Variants in EFR3B observed in about 807,000 individuals in gnomAD.
The protein encoded by EFR3B is EFR3 homolog B.
A neutral mutation model predicts 104.7 loss-of-function variants in EFR3B; 64 were observed. The ratio of observed to expected loss-of-function variants is 0.61; its 90% CI spans 0.50 to 0.75. The LOEUF is 0.75. Ranked by LOEUF, EFR3B falls within the 30% of genes least tolerant of loss-of-function variation. The probability of loss-of-function intolerance (pLI) is 0.00; values close to 1 mark genes in which losing one functional copy is unlikely to be tolerated. For missense variants in EFR3B, 750 were observed against 1,078.5 expected (o/e 0.70, Z 4.27); for synonymous variants, 385 against 417.9 (o/e 0.92, Z 0.96).
At chr2:25,139,761 C>G (rs1670613281) in intron 16 of EFR3B, among the ~76,000 whole-genome samples, 1 of 152,174 alleles carries the variant, frequency 6.6e-6, no homozygotes, top group African/African-American at 2.4e-5. Context: ...ATACTTTAAA[C>G]AAATATTTTA....
chr2:25,130,657 G>A lies in EFR3B; in HGVS notation c.849+27G>A. On this transcript the variant is annotated intron_variant, in intron 8 of 22. Transcript: ENST00000403714. The surrounding 1 kb of genome is among the most constrained non-coding windows in gnomAD (Gnocchi z 4.6). ...TATGGTGGCTCCCCTGGGCCAGCCG[G>A]ATCCCAGGACAAAGGCCTCTCTAGA... 1 of 1,539,560 alleles carries A rather than the reference G, an allele frequency of 6.5e-7. No homozygotes were observed. Among genetic ancestry groups the A allele is most frequent in the Non-Finnish European group, 8.8e-7 (1 of 1,136,076 alleles).
intron 3 of EFR3B, among the ~76,000 whole-genome samples, chr2:25,100,576 T>C (rs1168542199): frequency 6.6e-6 from 1 of 152,208 alleles, no homozygotes. Context: ...CACTGCAAGC[T>C]CTGCCTCCTG....
chr2:25,080,071 AC>A, intron 1 of EFR3B: 1 of 885,868 alleles, frequency 1.1e-6, no homozygotes. Context: ...GTACCTTGTA[AC>A]CCCCACAACA....
intron 4 of EFR3B, among the ~76,000 whole-genome samples, chr2:25,110,930 T>A (rs1389490512): frequency 6.6e-6 from 1 of 152,252 alleles, no homozygotes; most frequent in East Asian, 1.9e-4. Flanking sequence ...CTGCCCCTCT[T>A]TTATTCATGA....
rs1668551211 is a variant in EFR3B at position 25,073,524 on chromosome 2, A to C, written c.8-17801A>C. 2.0e-5 allele frequency among the ~76,000 whole-genome samples: 3 copies of C among 151,750 alleles called. No individual in the cohort carries two copies. The East Asian group carries it at 5.8e-4, about 29-fold the overall frequency. On this transcript the variant is annotated intron_variant, in intron 1 of 22. Coordinates refer to ENST00000403714, the MANE Select transcript of EFR3B (RefSeq NM_014971.2). ...AGGTGTGTGCCACCATGCCTGGCTA[A>C]TTTTTGTATTTTTTGTAGAGAGGAG...
intron 18 of EFR3B, among the ~76,000 whole-genome samples, chr2:25,144,283 C>T (rs1670755320): frequency 6.6e-6 from 1 of 152,150 alleles, no homozygotes; most frequent in Admixed American, 6.5e-5. Flanking sequence ...AGGTTCACAC[C>T]TGTAATCCCA....
At chr2:25,083,636 C>T (rs951264772) in intron 1 of EFR3B, among the ~76,000 whole-genome samples, 2 of 152,152 alleles carry the variant, frequency 1.3e-5, no homozygotes, top group Admixed American at 6.6e-5. Flanking sequence ...AAAGCGCCTC[C>T]AGCTCTCAAC....
At chr2:25,072,221 A>G (rs1369126548) in intron 1 of EFR3B, among the ~76,000 whole-genome samples, 2 of 152,142 alleles carry the variant, frequency 1.3e-5, no homozygotes, top group Non-Finnish European at 1.5e-5. Flanking sequence ...TGCTTGGGCC[A>G]TCTGGCCCTT....
chr2:25,092,931 T>C, intron 2 of EFR3B, 72 bp from the exon 3 acceptor site: 2 of 1,503,510 alleles, frequency 1.3e-6, no homozygotes, highest in Non-Finnish European at 1.8e-6. Context: ...GTCGAATTAT[T>C]ATTTTTCTCT....
intron 1 of EFR3B, among the ~76,000 whole-genome samples, chr2:25,045,919 A>G (rs1667703699): frequency 2.6e-5 from 4 of 152,138 alleles, no homozygotes. Context: ...GCTAGGAGGG[A>G]CGTTTGGAAA....
chr2:25,131,430 C>G lies in EFR3B; in HGVS notation c.912C>G (p.Ser304Arg). The G allele has an allele frequency of 6.4e-7, 1 of 1,550,844 alleles. No individual in the cohort carries two copies. ...GCCACCTGGACGCCAACAGCCGCAG[C>G]GCTGCGACGGTGCGCGCGGGCATCG... ...LLGHLDANSR[S>R]AATVRAGIVE... Residue 304 changes from serine to arginine, a missense_variant, in exon 9 of 23, where the codon AGC becomes AGG. Ser to Arg is a moderately radical substitution (Grantham distance 110). Transcript: ENST00000403714. The surrounding 1 kb of genome is among the most constrained non-coding windows in gnomAD (Gnocchi z 7.6).
At chr2:25,149,577 C>T (rs1433928101) in intron 19 of EFR3B, 117 bp from the exon 20 acceptor site, 7 of 1,047,414 alleles carry the variant, frequency 6.7e-6, no homozygotes, top group Non-Finnish European at 7.2e-6. Flanking sequence ...GAGGGACTTC[C>T]TGCCCACTGG....
At chr2:25,098,482 C>A (rs1197883284) in intron 3 of EFR3B, among the ~76,000 whole-genome samples, 1 of 152,150 alleles carries the variant, frequency 6.6e-6, no homozygotes, top group Non-Finnish European at 1.5e-5. Flanking sequence ...CAGATCTCTG[C>A]TGGTAGTAAT....
chr2:25,109,732 G>C (rs1266291683), intron 4 of EFR3B, among the ~76,000 whole-genome samples: 1 of 152,230 alleles, frequency 6.6e-6, no homozygotes, highest in South Asian at 2.1e-4. Flanking sequence ...GAATGGGGAG[G>C]GACTGCTGAG....
chr2:25,087,991 A>G (rs564667), intron 1 of EFR3B, among the ~76,000 whole-genome samples: 7 of 151,882 alleles, frequency 4.6e-5, no homozygotes, highest in Non-Finnish European at 8.8e-5. Context: ...AGGGCTGTGT[A>G]TATGTTCATT....
chr2:25,069,604 A>G (rs923455124), intron 1 of EFR3B, among the ~76,000 whole-genome samples: 2 of 152,366 alleles, frequency 1.3e-5, no homozygotes, highest in African/African-American at 4.8e-5. Flanking sequence ...GTCTGAGAGT[A>G]GCAGCTCAGG....
intron 2 of EFR3B, 45 bp downstream of exon 2, chr2:25,091,446 C>G: frequency 6.6e-7 from 1 of 1,512,034 alleles, no homozygotes; most frequent in Non-Finnish European, 8.9e-7. Flanking sequence ...ATGGTCCAGG[C>G]AGGGCCTCTG....
chr2:25,093,126 T>C lies in EFR3B; in HGVS notation c.208T>C (p.Tyr70His), dbSNP rs1195212535. 6.4e-7 allele frequency: 1 copy of C among 1,551,564 alleles called. No individual in the cohort carries two copies. Among genetic ancestry groups the C allele is most frequent in the Non-Finnish European group, 8.7e-7 (1 of 1,147,038 alleles). Residue 70 changes from tyrosine (Y) to histidine (H), a missense_variant, in exon 3 of 23, where the codon TAT becomes CAT. Tyr to His is a moderately conservative substitution (Grantham distance 83, BLOSUM62 2). Transcript: ENST00000403714. ...CATCCGTGACGTGGGTCGCCATCGA[T>C]ATGGGTAAGTAGTTTGGAAGAGAGG... ...RLIRDVGRHR[Y>H]GYVCIAMEAL...
intron 1 of EFR3B, among the ~76,000 whole-genome samples, chr2:25,066,454 G>A (rs534330051): frequency 6.6e-6 from 1 of 152,298 alleles, no homozygotes; most frequent in East Asian, 1.9e-4. Context: ...GCCAGCTGAT[G>A]TCTCTCAGAA....
Sources: gnomAD v4.1 joint callset for allele counts (sites outside exome capture counted in the v4.1 genomes callset) on GRCh38, gnomAD v4.1.1 for gene constraint, Gnocchi (gnomAD v3.1) non-coding constraint, MANE v1.5 for transcripts, NCBI Gene and HGNC (gene_info 2026-07-23, HGNC 2026-07-21) for gene names.